PDE4B: variants seen among roughly 807,000 people sequenced by gnomAD.
The protein encoded by PDE4B is phosphodiesterase 4B.
A neutral mutation model predicts 82.2 loss-of-function variants in PDE4B; 20 were observed. The observed-to-expected ratio is 0.24, with a 90% CI of 0.17 to 0.35. The LOEUF (loss-of-function observed/expected upper bound fraction) is 0.35, where lower values mean the gene tolerates loss of function less well. Ranked by LOEUF, PDE4B falls within the 10% of genes least tolerant of loss-of-function variation. PDE4B has a pLI of 1.00. For missense variants in PDE4B, 655 were observed against 907.2 expected (o/e 0.72, Z 3.57); for synonymous variants, 320 against 318.9 (o/e 1.00, Z -0.04).
chr1:65,951,797 C>T (rs1381771930), intron 3 of PDE4B, among the ~76,000 whole-genome samples: 1 of 152,100 alleles, frequency 6.6e-6, no homozygotes, highest in African/African-American at 2.4e-5. Flanking sequence ...TGTTCTTCCT[C>T]CTACTTGATG....
intron 1 of PDE4B, among the ~76,000 whole-genome samples, chr1:65,817,001 A>G (rs1240826846): frequency 6.6e-6 from 1 of 152,218 alleles, no homozygotes; most frequent in Non-Finnish European, 1.5e-5. Context: ...AAAGTTTACT[A>G]TGTACTGCAC....
At chr1:66,348,281 T>C (rs1309128389) in intron 8 of PDE4B, among the ~76,000 whole-genome samples, 2 of 152,176 alleles carry the variant, frequency 1.3e-5, no homozygotes, top group African/African-American at 4.8e-5. Context: ...AAAGAGTGAC[T>C]GAATAATGTA....
At chr1:66,359,535 G>A (rs1662581728) in intron 9 of PDE4B, among the ~76,000 whole-genome samples, 1 of 152,212 alleles carries the variant, frequency 6.6e-6, no homozygotes, top group South Asian at 2.1e-4. Flanking sequence ...GGCACTATTT[G>A]TGAATAATGG....
chr1:65,819,900 T>C (rs1197922663), intron 1 of PDE4B, among the ~76,000 whole-genome samples: 1 of 152,136 alleles, frequency 6.6e-6, no homozygotes, highest in South Asian at 2.1e-4. Flanking sequence ...ATTCCACCAA[T>C]GTATAGCTCC....
At chr1:66,366,972 G>C (rs945122288) in intron 13 of PDE4B, among the ~76,000 whole-genome samples, 1 of 152,160 alleles carries the variant, frequency 6.6e-6, no homozygotes, top group Admixed American at 6.5e-5. Flanking sequence ...AGAAAATGTG[G>C]TTTCATAAGT....
At chr1:66,211,618 T>TCTCAG (rs1650058348) in intron 3 of PDE4B, among the ~76,000 whole-genome samples, 2 of 152,236 alleles carry the variant, frequency 1.3e-5, no homozygotes, top group Non-Finnish European at 2.9e-5. Context: ...CATTTAATCC[T>TCTCAG]CTCAGCATTT....
chr1:66,055,216 C>T (rs1655233153), intron 3 of PDE4B, among the ~76,000 whole-genome samples: 1 of 152,154 alleles, frequency 6.6e-6, no homozygotes, highest in South Asian at 2.1e-4. Flanking sequence ...AGGCAGTGTT[C>T]TTAAATTGTG....
rs1318386763 is a variant in PDE4B, at chr1:66,368,774, T to C, written c.1663-13T>C. ...CCTAATTTTATGAGATTTCCAAAAC[T>C]TGATGATTTCAGGTCCTTCGCAACA... is the stretch of plus-strand genomic sequence containing the variant. On this transcript the variant is annotated splice_polypyrimidine_tract_variant and intron_variant, in intron 15 of 16. Coordinates refer to ENST00000341517, the MANE Select transcript of PDE4B (RefSeq NM_002600.4). 6.7e-7 allele frequency: 1 copy of C among 1,497,220 alleles called. No homozygotes were observed. Among genetic ancestry groups the C allele is most frequent in the Admixed American group, 2.1e-5 (1 of 47,490 alleles). 92.7% of individuals were successfully genotyped at this position (1,497,220 alleles called of 1,614,324 possible).
intron 1 of PDE4B, among the ~76,000 whole-genome samples, chr1:65,886,201 A>G (rs1299227072): frequency 1.3e-5 from 2 of 152,122 alleles, no homozygotes; most frequent in Non-Finnish European, 2.9e-5. Context: ...AATGCTTTGT[A>G]AACTAGAAAA....
intron 7 of PDE4B, among the ~76,000 whole-genome samples, chr1:66,275,390 A>G (rs1444080753): frequency 2.0e-5 from 3 of 152,166 alleles, no homozygotes; most frequent in East Asian, 1.9e-4. Flanking sequence ...GACAAAACCC[A>G]CTAGCAGAGT....
rs148172504 is a variant in PDE4B at position 66,144,209 on chromosome 1, T to C, written c.282-103251T>C. Among the ~76,000 whole-genome samples the C allele has an allele frequency of 4.7e-3, 722 of 152,316 alleles. 11 individuals carry two copies. Among genetic ancestry groups the C allele is most frequent in the African/African-American group, 0.016 (685 of 41,560 alleles). On this transcript the variant is annotated intron_variant, in intron 3 of 16. Transcript: ENST00000341517. ...CAAACGGTTCCAGGTTTTTTTCCATTGAAGAACTGCACGTTATTACATCCA... is the reference window on the plus strand; with the variant it reads ...CAAACGGTTCCAGGTTTTTTTCCATCGAAGAACTGCACGTTATTACATCCA...
chr1:65,977,531 G>C (rs1650472431), intron 3 of PDE4B, among the ~76,000 whole-genome samples: 1 of 152,138 alleles, frequency 6.6e-6, no homozygotes, highest in Non-Finnish European at 1.5e-5. Context: ...ATATTTAGCA[G>C]TAATAACCCC....
At chr1:65,919,472 T>C (rs1170603461) in intron 3 of PDE4B, among the ~76,000 whole-genome samples, 1 of 152,346 alleles carries the variant, frequency 6.6e-6, no homozygotes, top group East Asian at 1.9e-4. Context: ...TGCTTTATTA[T>C]ATATTTAATA....
chr1:66,083,190 G>A (rs1656830813), intron 3 of PDE4B, among the ~76,000 whole-genome samples: 1 of 152,106 alleles, frequency 6.6e-6, no homozygotes, highest in South Asian at 2.1e-4. Flanking sequence ...TTTAAACAAT[G>A]CTTTCATCAT....
At chr1:66,344,947 G>A (rs151254825) in intron 8 of PDE4B, among the ~76,000 whole-genome samples, 3 of 152,270 alleles carry the variant, frequency 2.0e-5, no homozygotes, top group East Asian at 1.9e-4. Context: ...ATTAAATAGC[G>A]TTATTCTCTT....
chr1:65,854,470 T>G (rs1485736570), intron 1 of PDE4B, among the ~76,000 whole-genome samples: 3 of 151,542 alleles, frequency 2.0e-5, no homozygotes, highest in Non-Finnish European at 4.4e-5. Context: ...TTTCTGAATG[T>G]GTTTATTTTG....
At chr1:66,277,278 A>G (rs746533495) in intron 7 of PDE4B, among the ~76,000 whole-genome samples, 53 of 152,214 alleles carry the variant, frequency 3.5e-4, no homozygotes, top group Non-Finnish European at 1.3e-4. Context: ...TTTGTAAGTC[A>G]TGGTAGACAT....
chr1:65,807,332 G>T (rs930661707), intron 1 of PDE4B, among the ~76,000 whole-genome samples: 1 of 152,160 alleles, frequency 6.6e-6, no homozygotes, highest in African/African-American at 2.4e-5. Context: ...TAAAAAAATC[G>T]ATTTCTCGCA....
chr1:66,291,310 A>G (rs72677257), intron 7 of PDE4B, among the ~76,000 whole-genome samples: 5,129 of 152,234 alleles, frequency 0.034, 101 homozygotes, highest in Middle Eastern at 0.068. Flanking sequence ...CAAGCAGAGC[A>G]GCCAAGAGTG....
Sources: gnomAD v4.1 joint callset for allele counts (sites outside exome capture counted in the v4.1 genomes callset) on GRCh38, gnomAD v4.1.1 for gene constraint, MANE v1.5 for transcripts, NCBI Gene and HGNC (gene_info 2026-07-23, HGNC 2026-07-21) for gene names.